The following POLR3B variants were observed in gnomAD, a reference collection of about 807,000 sequenced individuals.
POLR3B encodes RNA polymerase III subunit B.
Under a neutral mutation model 147.4 loss-of-function variants are expected in POLR3B, and 96 were observed. The ratio of observed to expected loss-of-function variants is 0.65; its 90% CI spans 0.55 to 0.77. The LOEUF is 0.77. Ranked by LOEUF, POLR3B falls within the 30% of genes least tolerant of loss-of-function variation. The probability of loss-of-function intolerance (pLI) is 0.00; values close to 1 mark genes in which losing one functional copy is unlikely to be tolerated. For synonymous variants in POLR3B, 461 were observed against 485.9 expected (o/e 0.95, Z 0.67); for missense variants, 1,036 against 1,413.5 (o/e 0.73, Z 4.28).
At chr12:106,369,125 G>A in intron 4 of POLR3B, 150 bp from the exon 5 acceptor site, 1 of 690,740 alleles carries the variant, frequency 1.4e-6, no homozygotes, top group Admixed American at 2.1e-5. Context: ...ATCACTTCAA[G>A]AAGATCTCCA....
At chr12:106,435,120 T>G in intron 16 of POLR3B, among the ~76,000 whole-genome samples, 1 of 147,022 alleles carries the variant, frequency 6.8e-6, no homozygotes, top group Non-Finnish European at 1.5e-5. Flanking sequence ...ATTCTTATCC[T>G]TCCATTAAAT....
At position 106,433,822 on chromosome 12, in the gene POLR3B, T is replaced by TC. The variant is rs2037540879; in HGVS notation, c.1732dup (p.Leu578ProfsTer11). On this transcript the variant is annotated frameshift_variant, in exon 16 of 28. Coordinates refer to ENST00000228347, the MANE Select transcript of POLR3B (RefSeq NM_018082.6). LOFTEE classifies it high-confidence loss of function. ...ATGAATTTGTTTCCATCTCAACAAA[T>TC]CTTACAGATCGATGTGTCTATATTT... The TC allele has an allele frequency of 1.2e-6, 2 of 1,613,686 alleles. No individual in the cohort carries two copies. The highest frequency in any genetic ancestry group is 2.7e-5 in the African/African-American group (2 of 75,038).
chr12:106,431,235 T>C (rs2037506206), intron 14 of POLR3B, among the ~76,000 whole-genome samples: 2 of 152,330 alleles, frequency 1.3e-5, no homozygotes, highest in Admixed American at 1.3e-4. Flanking sequence ...GGAGTCTGTA[T>C]AGAGCTGCGA....
chr12:106,496,374 AGAGTG>A (rs2038486387), intron 24 of POLR3B: 2 of 646,564 alleles, frequency 3.1e-6, no homozygotes, highest in Non-Finnish European at 5.5e-6. Flanking sequence ...CCTCCCTTTG[AGAGTG>A]GAGTCTTCTG....
chr12:106,435,662 G>A (rs1369180023), intron 16 of POLR3B, among the ~76,000 whole-genome samples: 3 of 152,226 alleles, frequency 2.0e-5, no homozygotes, highest in African/African-American at 7.2e-5. Context: ...GCCTGCCTAA[G>A]ATTGTCCTGA....
chr12:106,497,810 C>T (rs554307208), intron 25 of POLR3B, among the ~76,000 whole-genome samples: 1 of 152,332 alleles, frequency 6.6e-6, no homozygotes, highest in Admixed American at 6.5e-5. Flanking sequence ...GGTAACTTCT[C>T]AGTAGGGCCT....
chr12:106,477,685 G>A (rs2038194465), intron 23 of POLR3B, among the ~76,000 whole-genome samples: 2 of 152,164 alleles, frequency 1.3e-5, no homozygotes, highest in African/African-American at 2.4e-5. Context: ...GACCCCTTGT[G>A]CTTCCCAGGT....
At chr12:106,499,322 A>T (rs1345021797) in intron 25 of POLR3B, among the ~76,000 whole-genome samples, 2 of 152,164 alleles carry the variant, frequency 1.3e-5, no homozygotes, top group Admixed American at 1.3e-4. Context: ...AAAGAATTGG[A>T]TGGGTTATAT....
chr12:106,407,147 A>G (rs182185637), intron 11 of POLR3B, among the ~76,000 whole-genome samples: 36 of 152,334 alleles, frequency 2.4e-4, no homozygotes, highest in African/African-American at 8.4e-4. Context: ...GCTGGGTCTC[A>G]ACTGAATTTT....
Position 106,457,282 on chromosome 12 carries a change from G to GT in POLR3B, c.2439dup (p.Ile814TyrfsTer6). The GT allele has an allele frequency of 6.2e-7, 1 of 1,613,490 alleles. No homozygotes were observed. Among genetic ancestry groups the GT allele is most frequent in the Non-Finnish European group, 8.5e-7 (1 of 1,179,544 alleles). ...CGACATGAAATCTTAGATGCAGATG[G>GT]TATTTGTTCTCCAGGTAAAAGCCTT... is the stretch of plus-strand genomic sequence containing the variant. On this transcript the variant is annotated frameshift_variant, in exon 21 of 28. Coordinates refer to ENST00000228347, the MANE Select transcript of POLR3B (RefSeq NM_018082.6). LOFTEE classifies it high-confidence loss of function.
chr12:106,434,088 C>T (rs942637325), intron 16 of POLR3B, among the ~76,000 whole-genome samples: 9 of 151,946 alleles, frequency 5.9e-5, no homozygotes, highest in African/African-American at 2.2e-4. Context: ...CTCAGTCTGC[C>T]GGGAAAGGCA....
intron 23 of POLR3B, among the ~76,000 whole-genome samples, chr12:106,483,745 G>C (rs73186479): frequency 0.065 from 9,924 of 152,224 alleles, 458 homozygotes; most frequent in Middle Eastern, 0.12. Flanking sequence ...TAGTTTTCTT[G>C]AGTCAGAGGT....
chr12:106,471,834 G>A (rs2038096692), intron 23 of POLR3B, among the ~76,000 whole-genome samples: 1 of 151,936 alleles, frequency 6.6e-6, no homozygotes, highest in Non-Finnish European at 1.5e-5. Context: ...TGTTATGTGT[G>A]AGTACATGTA....
chr12:106,509,340 A>C, intron 27 of POLR3B, 80 bp from the exon 28 acceptor site: 128 of 1,379,804 alleles, frequency 9.3e-5, no homozygotes, highest in Non-Finnish European at 1.2e-4. Flanking sequence ...AGAACTTTAT[A>C]GAGACCATTC....
intron 25 of POLR3B, among the ~76,000 whole-genome samples, chr12:106,499,219 C>A (rs777868273): frequency 2.6e-5 from 4 of 152,126 alleles, no homozygotes; most frequent in African/African-American, 4.8e-5. Context: ...CTTCTCCACC[C>A]AGAAATAAGG....
intron 12 of POLR3B, among the ~76,000 whole-genome samples, chr12:106,413,731 G>T (rs1009502564): frequency 6.6e-6 from 1 of 151,710 alleles, no homozygotes; most frequent in Non-Finnish European, 1.5e-5. Context: ...AAAATTCTCA[G>T]CTATTATCTC....
intron 16 of POLR3B, among the ~76,000 whole-genome samples, chr12:106,436,449 C>A (rs1234748733): frequency 6.6e-6 from 1 of 152,188 alleles, no homozygotes; most frequent in East Asian, 1.9e-4. Flanking sequence ...AAGCTTCATT[C>A]TCTGCCAACT....
chr12:106,372,191 A>G (rs368649700), intron 6 of POLR3B, among the ~76,000 whole-genome samples: 2 of 152,158 alleles, frequency 1.3e-5, no homozygotes, highest in African/African-American at 4.8e-5. Flanking sequence ...ATCAAACAGT[A>G]CATAAAAACA....
At chr12:106,426,886 T>C (rs2037447049) in intron 12 of POLR3B, among the ~76,000 whole-genome samples, 1 of 137,564 alleles carries the variant, frequency 7.3e-6, no homozygotes, top group South Asian at 2.6e-4. Context: ...TATAACTTTA[T>C]CTGTAAAATT....
Sources: allele counts gnomAD v4.1 joint callset (sites outside exome capture counted in the v4.1 genomes callset), GRCh38; gene constraint gnomAD v4.1.1; transcripts MANE v1.5; gene names NCBI Gene and HGNC (gene_info 2026-07-23, HGNC 2026-07-21).